RTL4: variants seen among roughly 807,000 people sequenced by gnomAD.
RTL4 encodes the protein retrotransposon Gag like 4, also known as retrotransposon Gag-like protein 4.
A neutral mutation model predicts 5.3 loss-of-function variants in RTL4; 4 were observed. That is an observed-to-expected ratio of 0.75 (90% CI 0.37 to 1.72). The LOEUF (loss-of-function observed/expected upper bound fraction) is 1.72, where lower values mean the gene tolerates loss of function less well. Among genes scored for constraint, RTL4 ranks in the 40% most tolerant of loss-of-function variants. The probability of loss-of-function intolerance (pLI) is 0.04; values close to 1 mark genes in which losing one functional copy is unlikely to be tolerated. For synonymous variants in RTL4, 98 were observed against 87.3 expected (o/e 1.12, Z -0.68); for missense variants, 260 against 227.1 (o/e 1.14, Z -0.93).
the RTL4 span, among the ~76,000 whole-genome samples, chrX:112,210,724 A>T: frequency 8.9e-6 from 1 of 111,906 alleles, no homozygotes; most frequent in Non-Finnish European, 1.9e-5. Flanking sequence ...AAATTTTCAG[A>T]TGGGTTTTAG....
At chrX:112,455,196 C>A in exon 1 of RTL4, 1 of 1,211,136 alleles carries the variant, frequency 8.3e-7, no homozygotes, top group East Asian at 3.0e-5. Flanking sequence ...ACAAAGGAGA[C>A]AACTCCTCTC....
chrX:112,400,357 T>C, the RTL4 span, among the ~76,000 whole-genome samples: 2 of 111,999 alleles, frequency 1.8e-5, no homozygotes, highest in Non-Finnish European at 3.8e-5. Context: ...ATATCCGCTC[T>C]GACATTAATT....
At chrX:112,284,119 A>G in the RTL4 span, among the ~76,000 whole-genome samples, 3 of 109,122 alleles carry the variant, frequency 2.7e-5, no homozygotes, top group Non-Finnish European at 5.7e-5. Flanking sequence ...ATAGAGCTTT[A>G]GAGCATCCCT....
chrX:112,149,800 G>T, the RTL4 span, among the ~76,000 whole-genome samples: 13 of 111,567 alleles, frequency 1.2e-4, no homozygotes, highest in South Asian at 4.5e-3. Context: ...GAGGAGAAAA[G>T]AATAATTACA....
chrX:112,277,796 A>G, the RTL4 span, among the ~76,000 whole-genome samples: 1 of 112,152 alleles, frequency 8.9e-6, no homozygotes, highest in Admixed American at 9.5e-5. Context: ...TGGACTGTGG[A>G]ATGCCATAAA....
chrX:112,249,788 T>TAGAGAG, the RTL4 span, among the ~76,000 whole-genome samples: 655 of 97,274 alleles, frequency 6.7e-3, no homozygotes, highest in Non-Finnish European at 0.01. Flanking sequence ...TATATATATA[T>TAGAGAG]ATATAGAGAG....
the RTL4 span, among the ~76,000 whole-genome samples, chrX:112,281,712 T>G: frequency 9.0e-6 from 1 of 111,705 alleles, no homozygotes; most frequent in Non-Finnish European, 1.9e-5. Context: ...TATCTCATTG[T>G]GATTTTAATT....
the RTL4 span, among the ~76,000 whole-genome samples, chrX:112,341,651 A>G: frequency 8.9e-6 from 1 of 112,049 alleles, no homozygotes; most frequent in Admixed American, 9.5e-5. Flanking sequence ...AGTTATTAAC[A>G]TAAAAAAATA....
chrX:112,112,370 G>A, the RTL4 span, among the ~76,000 whole-genome samples: 2 of 111,804 alleles, frequency 1.8e-5, no homozygotes, highest in Admixed American at 1.9e-4. Context: ...GGGTCTCCTT[G>A]ATTAGAGTAT....
At chrX:112,452,797 C>T (rs889493102), upstream of RTL4, among the ~76,000 whole-genome samples, 13 of 111,253 alleles carry the variant, frequency 1.2e-4, no homozygotes, top group African/African-American at 3.9e-4. Context: ...TTCGGGAGAC[C>T]GAGGCAGGCG....
the RTL4 span, among the ~76,000 whole-genome samples, chrX:112,257,782 A>G: frequency 9.1e-6 from 1 of 109,301 alleles, no homozygotes; most frequent in Non-Finnish European, 1.9e-5. Flanking sequence ...ACAAACATTC[A>G]GAACATAGCA....
the RTL4 span, among the ~76,000 whole-genome samples, chrX:112,238,116 T>C: frequency 8.9e-6 from 1 of 112,040 alleles, no homozygotes; most frequent in Non-Finnish European, 1.9e-5. Context: ...AATTAACTAT[T>C]AGCATTTTGC....
At chrX:112,239,742 G>A in the RTL4 span, among the ~76,000 whole-genome samples, 1 of 111,502 alleles carries the variant, frequency 9.0e-6, no homozygotes, top group African/African-American at 3.3e-5. Context: ...AGGATAGTAC[G>A]ATTTAACCTT....
chrX:112,161,906 T>G, the RTL4 span, among the ~76,000 whole-genome samples: 1 of 91,228 alleles, frequency 1.1e-5, no homozygotes, highest in African/African-American at 3.8e-5. Context: ...TTTTTTACTT[T>G]GAGGAAAAAT....
the RTL4 span, among the ~76,000 whole-genome samples, chrX:112,212,084 T>C: frequency 8.9e-6 from 1 of 112,195 alleles, no homozygotes; most frequent in Non-Finnish European, 1.9e-5. Context: ...TTGTAAAAAT[T>C]AAAAGAAGTG....
the RTL4 span, among the ~76,000 whole-genome samples, chrX:112,129,705 G>A: frequency 0.17 from 19,346 of 111,114 alleles, 2,602 homozygotes; most frequent in African/African-American, 0.46. Flanking sequence ...AAGAACTAAA[G>A]CTGAAACTGT....
the RTL4 span, among the ~76,000 whole-genome samples, chrX:112,379,741 C>G: frequency 1.7e-4 from 19 of 111,531 alleles, no homozygotes; most frequent in East Asian, 5.4e-3. Flanking sequence ...ATTTATCACA[C>G]TTTTTATGCA....
chrX:112,454,073 C>CT (rs2035950517), upstream of RTL4, among the ~76,000 whole-genome samples: 1 of 111,591 alleles, frequency 9.0e-6, no homozygotes, highest in Non-Finnish European at 1.9e-5. Flanking sequence ...CCTGAGATCA[C>CT]TTTGGGTTTT....
chrX:112,314,257 T>G, the RTL4 span, among the ~76,000 whole-genome samples: 2 of 111,212 alleles, frequency 1.8e-5, no homozygotes, highest in African/African-American at 3.3e-5. Flanking sequence ...TTTTAAAAAT[T>G]TAGGAAATAA....
Sources: gnomAD v4.1 joint callset for allele counts (sites outside exome capture counted in the v4.1 genomes callset) on GRCh38, gnomAD v4.1.1 for gene constraint, MANE v1.5 for transcripts, NCBI Gene and HGNC (gene_info 2026-07-23, HGNC 2026-07-21) for gene names.